Variants in CAMK2D observed in about 807,000 individuals in gnomAD.
CAMK2D encodes the protein calcium/calmodulin-dependent protein kinase type II subunit delta.
A neutral mutation model predicts 84.0 loss-of-function variants in CAMK2D; 37 were observed. That is an observed-to-expected ratio of 0.44 (90% CI 0.34 to 0.58). The LOEUF (loss-of-function observed/expected upper bound fraction) is 0.58. CAMK2D is among the 20% of genes least tolerant of loss of function. The pLI, the probability that CAMK2D is intolerant of heterozygous loss-of-function variation, is 0.02. For missense variants in CAMK2D, 448 were observed against 652.5 expected (o/e 0.69, Z 3.41); for synonymous variants, 202 against 212.5 (o/e 0.95, Z 0.43).
intron 3 of CAMK2D, among the ~76,000 whole-genome samples, chr4:113,649,990 G>A (rs1251908423): frequency 6.6e-6 from 1 of 152,140 alleles, no homozygotes; most frequent in Admixed American, 6.5e-5. Flanking sequence ...GCTGAGGCAG[G>A]AGAATAGCTT....
intron 2 of CAMK2D, among the ~76,000 whole-genome samples, chr4:113,667,830 C>T (rs1432354947): frequency 2.0e-5 from 3 of 152,132 alleles, no homozygotes; most frequent in Non-Finnish European, 2.9e-5. Flanking sequence ...AGGGACCAGT[C>T]CTTCTGCTGC....
intron 4 of CAMK2D, among the ~76,000 whole-genome samples, chr4:113,604,371 A>G (rs2098968796): frequency 7.0e-6 from 1 of 143,690 alleles, no homozygotes; most frequent in African/African-American, 2.4e-5. Flanking sequence ...TTAGACACTT[A>G]TATCTGTTAT....
In CAMK2D at chr4:113,505,052, A is replaced by C; in HGVS notation, c.985-17T>G. Reference sequence around the variant, plus strand: ...GTTGTTTATCTGTGGGTATGCAGAAAATAGAAACAGAGATGCCTTAAACCC... The same window carrying C: ...GTTGTTTATCTGTGGGTATGCAGAACATAGAAACAGAGATGCCTTAAACCC... On this transcript the variant is annotated splice_polypyrimidine_tract_variant and intron_variant, in intron 13 of 20. Transcript: ENST00000511664. 1 of 1,544,492 alleles carries C rather than the reference A, an allele frequency of 6.5e-7. No homozygotes were observed. Among genetic ancestry groups the C allele is most frequent in the Non-Finnish European group, 8.7e-7 (1 of 1,145,446 alleles).
At chr4:113,561,263 T>G (rs1055404288) in intron 4 of CAMK2D, among the ~76,000 whole-genome samples, 1 of 152,162 alleles carries the variant, frequency 6.6e-6, no homozygotes, top group Non-Finnish European at 1.5e-5. Context: ...GAGGATCACT[T>G]GAGCCCAGGA....
intron 3 of CAMK2D, among the ~76,000 whole-genome samples, chr4:113,613,119 T>A (rs1278315515): frequency 6.6e-6 from 1 of 152,152 alleles, no homozygotes; most frequent in African/African-American, 2.4e-5. Context: ...TAATAAAACT[T>A]ATGTTCTTAC....
At chr4:113,507,229 G>A (rs554723065) in intron 13 of CAMK2D, among the ~76,000 whole-genome samples, 1 of 151,490 alleles carries the variant, frequency 6.6e-6, no homozygotes, top group East Asian at 1.9e-4. Flanking sequence ...TCAAATATAA[G>A]TATAGGTTCA....
chr4:113,508,274 T>A, intron 13 of CAMK2D: 3 of 1,542,906 alleles, frequency 1.9e-6, no homozygotes, highest in South Asian at 1.2e-5. Flanking sequence ...CTTTTCTGAA[T>A]TGACCAGTCA....
intron 16 of CAMK2D, among the ~76,000 whole-genome samples, chr4:113,493,747 T>G (rs2097881606): frequency 6.6e-6 from 1 of 151,916 alleles, no homozygotes; most frequent in South Asian, 2.1e-4. Context: ...TTTTCCAACT[T>G]GGTTCCATTC....
At chr4:113,735,623 A>C (rs1373640565) in intron 2 of CAMK2D, among the ~76,000 whole-genome samples, 1 of 152,178 alleles carries the variant, frequency 6.6e-6, no homozygotes, top group East Asian at 1.9e-4. Context: ...TGCACAGGAG[A>C]AGGGTTATTA....
intron 3 of CAMK2D, among the ~76,000 whole-genome samples, chr4:113,657,101 T>C (rs1040255621): frequency 2.0e-5 from 3 of 152,164 alleles, no homozygotes; most frequent in Non-Finnish European, 2.9e-5. Flanking sequence ...CCCCTCACTC[T>C]GCTCCTTGAC....
intron 6 of CAMK2D, among the ~76,000 whole-genome samples, chr4:113,539,876 A>G (rs1480020234): frequency 6.6e-6 from 1 of 152,200 alleles, no homozygotes; most frequent in Admixed American, 6.5e-5. Flanking sequence ...ATGATTACTA[A>G]AATTTAGGCT....
At chr4:113,714,095 A>C (rs17046431) in intron 2 of CAMK2D, among the ~76,000 whole-genome samples, 30,312 of 151,890 alleles carry the variant, frequency 0.2, 5,958 homozygotes, top group African/African-American at 0.51. Context: ...TTTTGGGGTA[A>C]AGTTTCAAAT....
intron 17 of CAMK2D, among the ~76,000 whole-genome samples, chr4:113,461,005 T>C (rs1313249724): frequency 6.6e-6 from 1 of 152,198 alleles, no homozygotes. Flanking sequence ...TAATTTTTGA[T>C]GGACCACATA....
intron 4 of CAMK2D, among the ~76,000 whole-genome samples, chr4:113,594,250 T>G (rs2098912314): frequency 6.6e-6 from 1 of 152,110 alleles, no homozygotes; most frequent in African/African-American, 2.4e-5. Flanking sequence ...TCCAACCCCA[T>G]GATCGAATCA....
chr4:113,718,543 G>A (rs1049555255), intron 2 of CAMK2D, among the ~76,000 whole-genome samples: 2 of 152,200 alleles, frequency 1.3e-5, no homozygotes, highest in African/African-American at 4.8e-5. Context: ...TTAGAATCTT[G>A]CAGCCTCCAA....
chr4:113,644,518 A>G (rs2099143956), intron 3 of CAMK2D, among the ~76,000 whole-genome samples: 1 of 152,192 alleles, frequency 6.6e-6, no homozygotes, highest in Non-Finnish European at 1.5e-5. Flanking sequence ...GTAGGCAGCT[A>G]TTATCCAGAG....
chr4:113,757,589 G>T lies in CAMK2D; in HGVS notation c.160+1731C>A, dbSNP rs10006209. Reference sequence around the variant, plus strand: ...AAGGAAAAAAAATTGCAGAAAACGGGCAAGAAGAATGTCTCCTAACTCTTC... The same window carrying T: ...AAGGAAAAAAAATTGCAGAAAACGGTCAAGAAGAATGTCTCCTAACTCTTC... On this transcript the variant is annotated intron_variant, in intron 2 of 20. Coordinates refer to ENST00000511664, the MANE Select transcript of CAMK2D (RefSeq NM_001321571.2). 9.1e-3 allele frequency among the ~76,000 whole-genome samples: 1,381 copies of T among 152,202 alleles called. 18 individuals are homozygous for T. The highest frequency in any genetic ancestry group is 0.031 in the African/African-American group (1,268 of 41,528).
At chr4:113,604,695 G>C (rs933690953) in intron 4 of CAMK2D, among the ~76,000 whole-genome samples, 6 of 152,138 alleles carry the variant, frequency 3.9e-5, no homozygotes, top group African/African-American at 7.2e-5. Flanking sequence ...CATTGCTAAA[G>C]ACATAATCCA....
Position 113,760,891 on chromosome 4 carries a change from C to T in CAMK2D, c.65+113G>A, listed in dbSNP as rs2099639835. Reference sequence around the variant, plus strand: ...GAGCTGACAAACCAGGGGCCCTCCTCCCATTCCTCTCCCAAACTCCCTCGC... The same window carrying T: ...GAGCTGACAAACCAGGGGCCCTCCTTCCATTCCTCTCCCAAACTCCCTCGC... On this transcript the variant is annotated intron_variant, in intron 1 of 20. Transcript: ENST00000511664. 3.0e-6 allele frequency: 4 copies of T among 1,353,458 alleles called. No homozygotes were observed. In the East Asian group the frequency reaches 9.3e-5, roughly 31 times the overall value. The allele number at this position is 1,353,458 out of a possible 1,614,324, so 83.8% of individuals were successfully genotyped here. A position where few individuals can be genotyped will look rare whatever the true frequency, so the allele number is the denominator to read the frequency against.
Sources: allele counts gnomAD v4.1 joint callset (sites outside exome capture counted in the v4.1 genomes callset), GRCh38; gene constraint gnomAD v4.1.1; transcripts MANE v1.5; gene names NCBI Gene and HGNC (gene_info 2026-07-23, HGNC 2026-07-21).